TBC1D12: variants seen among roughly 807,000 people sequenced by gnomAD.
The protein encoded by TBC1D12 is TBC1 domain family member 12, also known as TBC1 domain family, member 12.
A neutral mutation model predicts 86.7 loss-of-function variants in TBC1D12; 56 were observed. The observed-to-expected ratio is 0.65, with a 90% confidence interval of 0.52 to 0.81. The LOEUF is 0.81. TBC1D12 is among the 30% of genes least tolerant of loss of function. The pLI, the probability that TBC1D12 is intolerant of heterozygous loss-of-function variation, is 0.00. For missense variants in TBC1D12, 1,023 were observed against 1,038.8 expected (o/e 0.98, Z 0.21); for synonymous variants, 421 against 411.7 (o/e 1.02, Z -0.27).
At chr10:94,405,085 T>C (rs967825753) in intron 1 of TBC1D12, among the ~76,000 whole-genome samples, 4 of 151,724 alleles carry the variant, frequency 2.6e-5, no homozygotes, top group African/African-American at 9.7e-5. Flanking sequence ...TTGAGTTAGA[T>C]TTTGACACGC....
chr10:94,465,954 GTATA>G (rs1264272237), intron 2 of TBC1D12, among the ~76,000 whole-genome samples: 1 of 150,624 alleles, frequency 6.6e-6, no homozygotes, highest in Non-Finnish European at 1.5e-5. Context: ...GCGTATGTAT[GTATA>G]TACATGTATG....
At chr10:94,479,500 G>A (rs1161012781) in intron 3 of TBC1D12, among the ~76,000 whole-genome samples, 2 of 152,056 alleles carry the variant, frequency 1.3e-5, no homozygotes, top group East Asian at 3.9e-4. Context: ...TTATTCTTTT[G>A]CAGAAATCCA....
chr10:94,442,523 C>G (rs1025732883), intron 2 of TBC1D12, among the ~76,000 whole-genome samples: 31 of 152,252 alleles, frequency 2.0e-4, no homozygotes, highest in African/African-American at 7.0e-4. Flanking sequence ...CAATCTGTTT[C>G]TAGTAATTTA....
intron 3 of TBC1D12, among the ~76,000 whole-genome samples, chr10:94,486,613 A>G (rs1020511509): frequency 6.6e-6 from 1 of 152,154 alleles, no homozygotes; most frequent in Non-Finnish European, 1.5e-5. Context: ...ATAGTTTACA[A>G]AATTCCTCTT....
chr10:94,462,569 A>G (rs1564958702), intron 2 of TBC1D12, among the ~76,000 whole-genome samples: 3 of 152,162 alleles, frequency 2.0e-5, no homozygotes, highest in Non-Finnish European at 2.9e-5. Flanking sequence ...TATAAATTTA[A>G]TGTTTTTCTT....
Position 94,535,303 on chromosome 10 carries a change from T to C in TBC1D12, c.*2207T>C, listed in dbSNP as rs541696574. The C allele has an allele frequency of 2.6e-5, 4 of 152,342 alleles. No homozygotes were observed. In the East Asian group the frequency reaches 7.7e-4, roughly 29 times the overall value. The allele number at this position is 152,342 out of a possible 1,614,324, so 9.4% of individuals were successfully genotyped here. A position where few individuals can be genotyped will look rare whatever the true frequency, so the allele number is the denominator to read the frequency against. On this transcript the variant is annotated 3_prime_UTR_variant, in exon 13 of 13. Transcript: ENST00000225235. ...TTGAACCTAAATCACTTGAGTGTTA[T>C]GAGTGATGGCTATATAACATGCTGT...
At chr10:94,476,739 C>T (rs935833937) in intron 3 of TBC1D12, among the ~76,000 whole-genome samples, 5 of 152,162 alleles carry the variant, frequency 3.3e-5, no homozygotes, top group African/African-American at 7.2e-5. Flanking sequence ...CTATTCTAGA[C>T]GGTGTTGGGG....
At chr10:94,497,377 T>A (rs1001983625) in intron 5 of TBC1D12, among the ~76,000 whole-genome samples, 2 of 152,170 alleles carry the variant, frequency 1.3e-5, no homozygotes, top group African/African-American at 4.8e-5. Flanking sequence ...TTCCAGCATA[T>A]ATTTTATGCT....
At chr10:94,521,802 G>A in intron 9 of TBC1D12, among the ~76,000 whole-genome samples, 153 bp from the exon 10 acceptor site, 1 of 152,086 alleles carries the variant, frequency 6.6e-6, no homozygotes, top group East Asian at 1.9e-4. Flanking sequence ...ATCATTAGGG[G>A]CTCTCTGTAT....
At chr10:94,460,736 T>C (rs968089306) in intron 2 of TBC1D12, among the ~76,000 whole-genome samples, 5 of 152,100 alleles carry the variant, frequency 3.3e-5, no homozygotes, top group Non-Finnish European at 7.3e-5. Context: ...TTGTCCGTTA[T>C]AGTTTTCCCA....
At position 94,416,515 on chromosome 10, in the gene TBC1D12, C is replaced by CT. The variant is rs2054999764; in HGVS notation, c.971+12932dup. 4.6e-5 allele frequency among the ~76,000 whole-genome samples: 7 copies of CT among 152,294 alleles called. No individual in the cohort carries two copies. In the South Asian group the frequency reaches 1.5e-3, roughly 32 times the overall value. ...ATTACCCTTCAGACATTTAAGATTG[C>CT]TACAGAACCCTTTTTAGTTCTTATT... On this transcript the variant is annotated intron_variant, in intron 1 of 12. Transcript: ENST00000225235.
intron 11 of TBC1D12, among the ~76,000 whole-genome samples, chr10:94,525,762 A>G (rs544713174): frequency 6.6e-6 from 1 of 150,958 alleles, no homozygotes; most frequent in Non-Finnish European, 1.5e-5. Context: ...TATGTGGTTT[A>G]ATGGAATTAA....
chr10:94,442,157 T>G (rs2055392998), intron 2 of TBC1D12, 138 bp downstream of exon 2: 1 of 953,202 alleles, frequency 1.0e-6, no homozygotes, highest in Middle Eastern at 3.5e-4. Flanking sequence ...TTTGGGATTA[T>G]AAGTATTTAT....
chr10:94,525,659 C>CAA lies in TBC1D12; in HGVS notation c.2000+3224_2000+3225dup, dbSNP rs11432778. 1.8e-3 allele frequency among the ~76,000 whole-genome samples: 109 copies of CAA among 61,118 alleles called. 2 individuals are homozygous for CAA. The highest frequency in any genetic ancestry group is 3.2e-3 in the Admixed American group (17 of 5,328). 40.1% of individuals were successfully genotyped at this position (61,118 alleles called of 152,430 possible). On this transcript the variant is annotated intron_variant, in intron 11 of 12. Transcript: ENST00000225235. ...TGGGCTACAGAGCAAGACTCCGTCT[C>CAA]AAAAAAAAAAAAAAAAAAAGCTAAA...
intron 9 of TBC1D12, among the ~76,000 whole-genome samples, chr10:94,512,147 T>A (rs1423013778): frequency 6.6e-6 from 1 of 152,218 alleles, no homozygotes. Flanking sequence ...TACAGCTGAA[T>A]TGGCTTGCTG....
At chr10:94,439,532 G>GCGAGGCTGCAGGTTCAT (rs2055350546) in intron 1 of TBC1D12, among the ~76,000 whole-genome samples, 2 of 152,124 alleles carry the variant, frequency 1.3e-5, no homozygotes, top group Non-Finnish European at 2.9e-5. Context: ...TGCAGGTTCA[G>GCGAGGCTGCAGGTTCAT]CAAGGCTGCA....
Position 94,522,338 on chromosome 10 carries a change from C to T in TBC1D12, c.1891-6C>T. On this transcript the variant is annotated splice_region_variant and splice_polypyrimidine_tract_variant and intron_variant, in intron 10 of 12. Transcript: ENST00000225235. The stretch of plus-strand genomic sequence containing the variant: ...TTCATAATTTTATTGATTTTTTAAT[C>T]TTTAGATGTTGAAATATTTTGCAAC... 1 of 1,330,694 alleles carries T rather than the reference C, an allele frequency of 7.5e-7. No homozygotes were observed. The allele number at this position is 1,330,694 out of a possible 1,614,324, so 82.4% of individuals were successfully genotyped here. A position where few individuals can be genotyped will look rare whatever the true frequency, so the allele number is the denominator to read the frequency against.
chr10:94,473,853 TATTAA>T lies in TBC1D12; in HGVS notation c.1096-809_1096-805del, dbSNP rs145811449. ...GATAAATTTAAATGTGTTTACCATA[TATTAA>T]ATTAATTTATTTTAATTAGAATTAT... On this transcript the variant is annotated intron_variant, in intron 2 of 12. Coordinates refer to ENST00000225235, the MANE Select transcript of TBC1D12 (RefSeq NM_015188.2). 7.7e-3 allele frequency among the ~76,000 whole-genome samples: 1,168 copies of T among 152,326 alleles called. 16 individuals are homozygous for T. The highest frequency in any genetic ancestry group is 0.027 in the African/African-American group (1,109 of 41,576).
At chr10:94,458,592 C>T (rs529614969) in intron 2 of TBC1D12, among the ~76,000 whole-genome samples, 23 of 152,204 alleles carry the variant, frequency 1.5e-4, no homozygotes, top group African/African-American at 4.8e-4. Flanking sequence ...CACGGACCCA[C>T]GTGGTGAGTG....
Sources: gnomAD v4.1 joint callset for allele counts (sites outside exome capture counted in the v4.1 genomes callset) on GRCh38, gnomAD v4.1.1 for gene constraint, MANE v1.5 for transcripts, NCBI Gene and HGNC (gene_info 2026-07-23, HGNC 2026-07-21) for gene names.